Variants in GRIA2 observed in about 807,000 individuals in gnomAD.
The protein encoded by GRIA2 is glutamate ionotropic receptor AMPA type subunit 2, also known as glutamate receptor 2.
A neutral mutation model predicts 97.3 loss-of-function variants in GRIA2; 14 were observed. That is an observed-to-expected ratio of 0.14 (90% confidence interval 0.10 to 0.23). GRIA2 has a LOEUF of 0.23. GRIA2 is among the 10% of genes least tolerant of loss of function. The pLI is 1.00. For missense variants in GRIA2, 558 were observed against 1,069.8 expected, an observed-to-expected ratio of 0.52 and a Z score of 6.67; for synonymous variants, 412 against 387.8, an observed-to-expected ratio of 1.06 and a Z score of -0.73.
At chr4:157,253,442 G>A (rs1731103894) in intron 2 of GRIA2, among the ~76,000 whole-genome samples, 1 of 152,132 alleles carries the variant, frequency 6.6e-6, no homozygotes, top group East Asian at 1.9e-4. Flanking sequence ...GTAAAATACA[G>A]TAAGTGGGAA....
intron 3 of GRIA2, among the ~76,000 whole-genome samples, chr4:157,310,878 T>C (rs1178725910): frequency 6.6e-6 from 1 of 152,058 alleles, no homozygotes; most frequent in Non-Finnish European, 1.5e-5. Context: ...AGAAGTGTGA[T>C]GAAATTCAAG....
At chr4:157,280,352 A>G (rs1451847198) in intron 2 of GRIA2, among the ~76,000 whole-genome samples, 1 of 152,152 alleles carries the variant, frequency 6.6e-6, no homozygotes, top group Non-Finnish European at 1.5e-5. Flanking sequence ...GTAGAGAGTT[A>G]GTGCCCAGTG....
At chr4:157,304,923 AC>A (rs991557942) in intron 3 of GRIA2, among the ~76,000 whole-genome samples, 1 of 152,018 alleles carries the variant, frequency 6.6e-6, no homozygotes, top group Non-Finnish European at 1.5e-5. Flanking sequence ...GAATGAGAAC[AC>A]TCAGTGGAAA....
At chr4:157,294,386 T>A (rs1488604021) in intron 2 of GRIA2, among the ~76,000 whole-genome samples, 1 of 150,894 alleles carries the variant, frequency 6.6e-6, no homozygotes, top group Non-Finnish European at 1.5e-5. Flanking sequence ...CTAATTAAGA[T>A]CAGACAAGAG....
intron 12 of GRIA2, 51 bp downstream of exon 12, chr4:157,341,513 A>T: frequency 7.8e-7 from 1 of 1,286,336 alleles, no homozygotes; most frequent in South Asian, 1.2e-5. Context: ...AATTTAACCT[A>T]TTTAAACTTT....
At chr4:157,333,389 A>G (rs1232043761) in intron 8 of GRIA2, 36 bp downstream of exon 8, 5 of 1,098,452 alleles carry the variant, frequency 4.6e-6, no homozygotes, top group Admixed American at 2.1e-5. Flanking sequence ...GTTCTATGTG[A>G]GGAGGTGAGT....
chr4:157,304,930 G>A (rs1270446022), intron 3 of GRIA2, among the ~76,000 whole-genome samples: 1 of 151,992 alleles, frequency 6.6e-6, no homozygotes, highest in Non-Finnish European at 1.5e-5. Context: ...AACACTCAGT[G>A]GAAAAGCCAG....
chr4:157,285,884 T>TCTA, intron 2 of GRIA2, among the ~76,000 whole-genome samples: 1 of 151,652 alleles, frequency 6.6e-6, no homozygotes, highest in Non-Finnish European at 1.5e-5. Context: ...GGTGAGCATG[T>TCTA]CTACATTTAT....
chr4:157,362,693 T>C, intron 14 of GRIA2, 106 bp from the exon 15 acceptor site: 1 of 924,744 alleles, frequency 1.1e-6, no homozygotes, highest in Non-Finnish European at 1.7e-6. Flanking sequence ...TTCAAATGCA[T>C]TCTGTGTGAC....
rs549790621 is a variant in GRIA2, at chr4:157,223,823, A to G, written c.229+2016A>G. Among the ~76,000 whole-genome samples the G allele has an allele frequency of 2.6e-5, 4 of 152,338 alleles. No individual in the cohort carries two copies. In the East Asian group the frequency reaches 5.8e-4, roughly 22 times the overall value. On this transcript the variant is annotated intron_variant, in intron 2 of 15. Transcript: ENST00000264426. ...ATGAGAAGAACTTTCTGCAAAAATA[A>G]CATATGTCCATTGACAAAATGAATA...
chr4:157,308,745 G>A (rs923738187), intron 3 of GRIA2, among the ~76,000 whole-genome samples: 11 of 152,086 alleles, frequency 7.2e-5, no homozygotes, highest in African/African-American at 2.4e-4. Context: ...AGATACTTCT[G>A]TGCTAGTTTG....
intron 2 of GRIA2, chr4:157,249,951 G>A (rs888637958): frequency 1.3e-5 from 2 of 152,026 alleles, no homozygotes; most frequent in African/African-American, 4.8e-5. Context: ...CATTTCTCTA[G>A]TAAAAGCAAT....
chr4:157,359,630 G>A (rs1482612696), intron 12 of GRIA2, among the ~76,000 whole-genome samples: 1 of 151,974 alleles, frequency 6.6e-6, no homozygotes, highest in Non-Finnish European at 1.5e-5. Context: ...TTTGGATTGT[G>A]ACTATTTCAG....
At chr4:157,319,768 A>G (rs1734479642) in intron 5 of GRIA2, among the ~76,000 whole-genome samples, 1 of 152,148 alleles carries the variant, frequency 6.6e-6, no homozygotes, top group Non-Finnish European at 1.5e-5. Context: ...AGATAATATT[A>G]TTGATTAATT....
intron 12 of GRIA2, among the ~76,000 whole-genome samples, chr4:157,356,568 G>A (rs1313779850): frequency 6.6e-6 from 1 of 151,884 alleles, no homozygotes; most frequent in African/African-American, 2.4e-5. Flanking sequence ...CCACACAAAG[G>A]GGCTAATTGA....
chr4:157,276,669 G>T (rs534805627), intron 2 of GRIA2, among the ~76,000 whole-genome samples: 70 of 151,584 alleles, frequency 4.6e-4, no homozygotes, highest in Non-Finnish European at 6.6e-4. Flanking sequence ...AAAGATAGAT[G>T]ATACAAAATG....
intron 2 of GRIA2, among the ~76,000 whole-genome samples, chr4:157,293,413 C>G (rs1055367142): frequency 1.3e-5 from 2 of 152,076 alleles, no homozygotes; most frequent in Non-Finnish European, 2.9e-5. Flanking sequence ...GGTAATTTCC[C>G]TGCCAGATAT....
chr4:157,361,740 T>A lies in GRIA2; in HGVS notation c.2406+616T>A. The A allele has an allele frequency of 9.2e-6, 8 of 868,020 alleles. No individual in the cohort carries two copies. Among genetic ancestry groups the A allele is most frequent in the Non-Finnish European group, 1.5e-5 (8 of 530,560 alleles). 53.8% of individuals were successfully genotyped at this position (868,020 alleles called of 1,614,324 possible). A position where few individuals can be genotyped will look rare whatever the true frequency, so the allele number is the denominator to read the frequency against. ...CAAGTGTGTTAGTGGGAATGACCCA[T>A]CTTAAATAGAATGTAAATGCAAATA... On this transcript the variant is annotated intron_variant, in intron 14 of 15. Coordinates refer to ENST00000264426, the MANE Select transcript of GRIA2 (RefSeq NM_001083619.3). This position sits in a 1 kb window ranked among gnomAD's most constrained non-coding sequence, Gnocchi z 5.2.
intron 2 of GRIA2, among the ~76,000 whole-genome samples, chr4:157,290,349 T>C (rs1472724178): frequency 6.6e-6 from 1 of 151,856 alleles, no homozygotes; most frequent in Non-Finnish European, 1.5e-5. Context: ...GTTTAATATG[T>C]TTTGAGAGCA....
Sources: gnomAD v4.1 joint callset for allele counts (sites outside exome capture counted in the v4.1 genomes callset) on GRCh38, gnomAD v4.1.1 for gene constraint, Gnocchi (gnomAD v3.1) non-coding constraint, MANE v1.5 for transcripts, NCBI Gene and HGNC (gene_info 2026-07-23, HGNC 2026-07-21) for gene names.